The following ZNF624 variants were observed in gnomAD, a reference collection of about 807,000 sequenced individuals.
ZNF624 encodes zinc finger protein 624.
Under a neutral mutation model 74.7 loss-of-function variants are expected in ZNF624, and 43 were observed. That is an observed-to-expected ratio of 0.58 (90% CI 0.45 to 0.74). The LOEUF (loss-of-function observed/expected upper bound fraction) is 0.74, where lower values mean the gene tolerates loss of function less well. ZNF624 is among the 30% of genes least tolerant of loss of function. The probability of loss-of-function intolerance (pLI) is 0.00; values close to 1 mark genes in which losing one functional copy is unlikely to be tolerated. For synonymous variants in ZNF624, 331 were observed against 341.3 expected (o/e 0.97, Z 0.33); for missense variants, 820 against 1,030.0 (o/e 0.80, Z 2.79).
intron 3 of ZNF624, among the ~76,000 whole-genome samples, chr17:16,641,277 TTC>T (rs934197341): frequency 1.9e-4 from 29 of 151,646 alleles, no homozygotes; most frequent in Non-Finnish European, 3.5e-4. Flanking sequence ...TTTTCTTTCT[TTC>T]TCTCTCTCTC....
rs1298787854 is a variant in ZNF624, at chr17:16,622,900, A to G, written c.1986T>C (p.His662=). The change falls in exon 6 of 6, where the codon CAT becomes CAC. Residue 662 remains histidine (H), a synonymous_variant. Transcript: ENST00000311331. Reference sequence around the variant, plus strand: ...TACATTTATATGGTTTTTCTCCAGTATGGGTCCTCTGATGTACAATAAGGT... The same window carrying G: ...TACATTTATATGGTTTTTCTCCAGTGTGGGTCCTCTGATGTACAATAAGGT... ...KSYLIVHQRT[H]TGEKPYKCNE... is the part of the protein sequence containing the mutation. 1.2e-6 allele frequency: 2 copies of G among 1,613,964 alleles called. No individual in the cohort carries two copies. Among genetic ancestry groups the G allele is most frequent in the Non-Finnish European group, 1.7e-6 (2 of 1,179,936 alleles).
intron 3 of ZNF624, among the ~76,000 whole-genome samples, chr17:16,640,853 C>A (rs181912711): frequency 2.5e-4 from 38 of 152,136 alleles, no homozygotes; most frequent in African/African-American, 8.2e-4. Flanking sequence ...AATTCCAAAC[C>A]CACTTTATGA....
downstream of ZNF624, chr17:16,617,959 G>C (rs1908826770): frequency 2.7e-5 from 24 of 876,884 alleles, no homozygotes; most frequent in South Asian, 3.3e-4. Flanking sequence ...CGGGTGCGGG[G>C]ACGGCAAGAG....
At chr17:16,617,755 C>CG, downstream of ZNF624, 1 of 1,604,490 alleles carries the variant, frequency 6.2e-7, no homozygotes, top group Non-Finnish European at 8.5e-7. Context: ...CGGGAGTCCT[C>CG]GAACTCCACG....
chr17:16,617,626 G>C, downstream of ZNF624: 1 of 1,606,306 alleles, frequency 6.2e-7, no homozygotes, highest in East Asian at 2.2e-5. Flanking sequence ...CCTCCACCAC[G>C]GCGGCTTCCG....
intron 3 of ZNF624, among the ~76,000 whole-genome samples, chr17:16,641,714 T>C (rs1909471715): frequency 6.6e-6 from 1 of 152,236 alleles, no homozygotes; most frequent in Non-Finnish European, 1.5e-5. Flanking sequence ...ATAATCTCTC[T>C]ATACAGTTAA....
At position 16,620,939 on chromosome 17, in the gene ZNF624, TA is replaced by T. The variant is rs1360545405; in HGVS notation, c.*1348del. On this transcript the variant is annotated 3_prime_UTR_variant, in exon 6 of 6. Transcript: ENST00000311331. ...ATATTACATTTACAGTTTTATACCA[TA>T]AAGGCAGCATTTACATTTTTCTGTT... 2 of 152,084 alleles carry T rather than the reference TA, an allele frequency of 1.3e-5. No individual in the cohort carries two copies. The highest frequency in any genetic ancestry group is 4.8e-5 in the African/African-American group (2 of 41,450). The allele number at this position is 152,084 out of a possible 1,614,324, so 9.4% of individuals were successfully genotyped here.
At position 16,621,276 on chromosome 17, in the gene ZNF624, T is replaced by C. The variant is rs1908905700; in HGVS notation, c.*1012A>G. 6.6e-6 allele frequency: 1 copy of C among 152,268 alleles called. No homozygotes were observed. The highest frequency in any genetic ancestry group is 1.5e-5 in the Non-Finnish European group (1 of 68,044). 9.4% of individuals were successfully genotyped at this position (152,268 alleles called of 1,614,324 possible). A position where few individuals can be genotyped will look rare whatever the true frequency, so the allele number is the denominator to read the frequency against. On this transcript the variant is annotated 3_prime_UTR_variant, in exon 6 of 6. Transcript: ENST00000311331. ...CATAATATGGGTATGTCACAATTTA[T>C]CTAACCAGTTCCCTATTAATGGGCA...
At position 16,623,842 on chromosome 17, in the gene ZNF624, CATAAGTG is replaced by C; in HGVS notation, c.1037_1043del (p.Ser346TrpfsTer144). On this transcript the variant is annotated frameshift_variant, in exon 6 of 6. Coordinates refer to ENST00000311331, the MANE Select transcript of ZNF624 (RefSeq NM_020787.4). LOFTEE classifies it high-confidence loss of function. The surrounding 1 kb of genome is among the most constrained non-coding windows in gnomAD (Gnocchi z 5.3). The stretch of plus-strand genomic sequence containing the variant: ...CTTTAGTGTGAATTCTCTGATGTAC[CATAAGTG>C]ATGAAGAAGCAATGAAGGCCTTTCC... The C allele has an allele frequency of 6.2e-7, 1 of 1,613,678 alleles. No individual in the cohort carries two copies. Among genetic ancestry groups the C allele is most frequent in the South Asian group, 1.1e-5 (1 of 91,044 alleles).
At chr17:16,619,706 G>C (rs981612098), downstream of ZNF624, among the ~76,000 whole-genome samples, 1 of 152,196 alleles carries the variant, frequency 6.6e-6, no homozygotes, top group African/African-American at 2.4e-5. Flanking sequence ...AGGTTGGTGT[G>C]GGTCATCCCC....
intron 3 of ZNF624, among the ~76,000 whole-genome samples, chr17:16,644,012 T>G (rs1439180086): frequency 6.6e-6 from 1 of 152,102 alleles, no homozygotes; most frequent in African/African-American, 2.4e-5. Context: ...CCCTCTATTA[T>G]TAGTAGTTCC....
intron 3 of ZNF624, among the ~76,000 whole-genome samples, chr17:16,643,029 G>A (rs9911524): frequency 0.14 from 21,504 of 152,192 alleles, 1,699 homozygotes; most frequent in East Asian, 0.35. Context: ...AATATCAAGC[G>A]TTGTTGAAGA....
At chr17:16,614,469 CA>C in the ZNF624 span, among the ~76,000 whole-genome samples, 1 of 151,868 alleles carries the variant, frequency 6.6e-6, no homozygotes, top group Non-Finnish European at 1.5e-5. Context: ...AAGAATTTAC[CA>C]AAATGTACAC....
At chr17:16,640,235 T>G (rs1909435596) in intron 3 of ZNF624, among the ~76,000 whole-genome samples, 2 of 152,096 alleles carry the variant, frequency 1.3e-5, no homozygotes, top group Non-Finnish European at 2.9e-5. Context: ...GGCAAAGAGA[T>G]AATTCAACGG....
chr17:16,639,559 A>G (rs1174777007), intron 3 of ZNF624, among the ~76,000 whole-genome samples: 1 of 152,158 alleles, frequency 6.6e-6, no homozygotes, highest in Non-Finnish European at 1.5e-5. Flanking sequence ...CAAGCAAGAA[A>G]TGACTAAGGC....
At chr17:16,650,875 A>C (rs2142665637) in intron 1 of ZNF624, among the ~76,000 whole-genome samples, 1 of 152,324 alleles carries the variant, frequency 6.6e-6, no homozygotes, top group East Asian at 1.9e-4. Flanking sequence ...CATAACGTTC[A>C]GTAGCTTTGC....
At chr17:16,620,116 G>C (rs542127046), downstream of ZNF624, among the ~76,000 whole-genome samples, 1 of 152,092 alleles carries the variant, frequency 6.6e-6, no homozygotes, top group Admixed American at 6.5e-5. Context: ...ATTTACCCTG[G>C]CATCGTGAAA....
intron 3 of ZNF624, among the ~76,000 whole-genome samples, chr17:16,637,357 A>G (rs1451523347): frequency 6.6e-6 from 1 of 152,208 alleles, no homozygotes; most frequent in Non-Finnish European, 1.5e-5. Context: ...ACAGAATTGG[A>G]AAAAACTACT....
At chr17:16,652,441 T>A (rs929204531) in intron 1 of ZNF624, among the ~76,000 whole-genome samples, 5 of 152,150 alleles carry the variant, frequency 3.3e-5, no homozygotes, top group Non-Finnish European at 5.9e-5. Context: ...TTATCAAGAG[T>A]GAGCTGAGTC....
Sources: gnomAD v4.1 joint callset for allele counts (sites outside exome capture counted in the v4.1 genomes callset) on GRCh38, gnomAD v4.1.1 for gene constraint, Gnocchi (gnomAD v3.1) non-coding constraint, MANE v1.5 for transcripts, NCBI Gene and HGNC (gene_info 2026-07-23, HGNC 2026-07-21) for gene names.